ASAH1: variants seen among roughly 807,000 people sequenced by gnomAD.
ASAH1 encodes acid ceramidase.
Under a neutral mutation model 59.5 loss-of-function variants are expected in ASAH1, and 70 were observed. The ratio of observed to expected loss-of-function variants is 1.18; its 90% CI spans 0.97 to 1.43. The LOEUF is 1.43. Ranked by LOEUF, ASAH1 falls within the 40% of genes most tolerant of loss-of-function variation. ASAH1 has a pLI of 0.00. For synonymous variants in ASAH1, 213 were observed against 166.5 expected, an observed-to-expected ratio of 1.28 and a Z score of -2.15; for missense variants, 660 against 482.5, an observed-to-expected ratio of 1.37 and a Z score of -3.45.
upstream of ASAH1, chr8:18,084,922 G>C: frequency 7.1e-7 from 1 of 1,418,314 alleles, no homozygotes; most frequent in African/African-American, 1.4e-5. Flanking sequence ...CGTGCCATCC[G>C]TGGACACAGT....
chr8:18,077,851 C>A (rs1453070900), intron 1 of ASAH1, among the ~76,000 whole-genome samples: 1 of 152,104 alleles, frequency 6.6e-6, no homozygotes, highest in Non-Finnish European at 1.5e-5. Context: ...AGGAGATACT[C>A]CGCTTTACAT....
intron 7 of ASAH1, chr8:18,062,921 A>C (rs1279330862): frequency 5.3e-6 from 2 of 379,756 alleles, no homozygotes; most frequent in Non-Finnish European, 4.7e-6. Flanking sequence ...CCCAAGCTGC[A>C]GTGCAGTGGC....
At chr8:18,061,149 CATA>C in intron 10 of ASAH1, 1 of 401,864 alleles carries the variant, frequency 2.5e-6, no homozygotes. Flanking sequence ...AGGTGCCTTT[CATA>C]ATGTCAGTAT....
chr8:18,066,897 T>C (rs1799949788), intron 5 of ASAH1: 1 of 340,238 alleles, frequency 2.9e-6, no homozygotes, highest in African/African-American at 2.1e-5. Flanking sequence ...TATTGTTCAG[T>C]TCTATTTATA....
intron 5 of ASAH1, 82 bp downstream of exon 5, chr8:18,067,138 G>C: frequency 9.0e-7 from 1 of 1,112,912 alleles, no homozygotes; most frequent in Non-Finnish European, 1.3e-6. Context: ...CAGCACCTGT[G>C]CTGTATGTAT....
chr8:18,083,809 G>A (rs1800765653), intron 1 of ASAH1, 172 bp downstream of exon 1: 3 of 1,360,612 alleles, frequency 2.2e-6, no homozygotes, highest in East Asian at 2.5e-5. Context: ...CCGAGGACGG[G>A]GTTCGCCAGC....
upstream of ASAH1, chr8:18,084,305 G>T (rs886062782): frequency 2.1e-6 from 3 of 1,429,674 alleles, no homozygotes; most frequent in African/African-American, 4.3e-5. Flanking sequence ...GGAGAGTCGC[G>T]ATCGCCTTTG....
intron 1 of ASAH1, among the ~76,000 whole-genome samples, chr8:18,078,007 G>A (rs1163810286): frequency 6.6e-6 from 1 of 152,156 alleles, no homozygotes; most frequent in African/African-American, 2.4e-5. Context: ...GCTGGTGACA[G>A]AATCAGAGTC....
chr8:18,075,691 ATTGCTC>A, intron 1 of ASAH1, 104 bp from the exon 2 acceptor site: 4 of 1,057,728 alleles, frequency 3.8e-6, no homozygotes, highest in Non-Finnish European at 5.9e-6. Context: ...CAAGTCTGAT[ATTGCTC>A]TTTTATACGT....
chr8:18,062,776 A>G (rs1799759561), intron 7 of ASAH1: 1 of 383,440 alleles, frequency 2.6e-6, no homozygotes, highest in Non-Finnish European at 4.8e-6. Context: ...ATTTATCTTC[A>G]CTTATGATCA....
At chr8:18,060,993 T>C in intron 10 of ASAH1, 1 of 196,556 alleles carries the variant, frequency 5.1e-6, no homozygotes, top group Non-Finnish European at 1.0e-5. Context: ...GTGCAAGTCA[T>C]CTGTCTATCT....
At chr8:18,079,680 T>C (rs944990188) in intron 1 of ASAH1, among the ~76,000 whole-genome samples, 1 of 152,142 alleles carries the variant, frequency 6.6e-6, no homozygotes, top group Non-Finnish European at 1.5e-5. Flanking sequence ...ATTACATACC[T>C]CATGTCAGTT....
intron 3 of ASAH1, 30 bp downstream of exon 3, chr8:18,071,266 TAAAG>T (rs1800161025): frequency 1.8e-6 from 2 of 1,092,660 alleles, no homozygotes; most frequent in South Asian, 2.5e-5. Flanking sequence ...AAAATAAAAA[TAAAG>T]AAATAAAAGA....
chr8:18,075,001 C>CTTTTTTTTTTTTTT (rs769278694), intron 2 of ASAH1, among the ~76,000 whole-genome samples: 5,104 of 147,082 alleles, frequency 0.035, 207 homozygotes, highest in African/African-American at 0.051. Context: ...AAAATCCTTT[C>CTTTTTTTTTTTTTT]CTTTTTTTTT....
chr8:18,070,390 C>A (rs1340240534), intron 3 of ASAH1, among the ~76,000 whole-genome samples: 1 of 152,074 alleles, frequency 6.6e-6, no homozygotes, highest in Non-Finnish European at 1.5e-5. Context: ...CCTCGTGATC[C>A]ACCCGCCTCG....
intron 2 of ASAH1, among the ~76,000 whole-genome samples, chr8:18,073,854 G>C (rs1409003288): frequency 6.6e-6 from 1 of 152,182 alleles, no homozygotes; most frequent in Non-Finnish European, 1.5e-5. Flanking sequence ...TTTTTGTGTA[G>C]GAAAGCAGGC....
intron 13 of ASAH1, chr8:18,058,091 G>C (rs1378165304): frequency 6.5e-6 from 1 of 154,252 alleles, no homozygotes; most frequent in Non-Finnish European, 1.4e-5. Context: ...GGAAACTGCA[G>C]GCACCCAGAT....
chr8:18,062,990 C>T, intron 7 of ASAH1, 195 bp downstream of exon 7: 1 of 579,798 alleles, frequency 1.7e-6, no homozygotes, highest in Non-Finnish European at 3.1e-6. Context: ...CTGCCTCAGG[C>T]TCCCAAGTAG....
At chr8:18,073,758 G>C (rs143539656) in intron 2 of ASAH1, among the ~76,000 whole-genome samples, 159 of 152,228 alleles carry the variant, frequency 1.0e-3, no homozygotes, top group African/African-American at 3.7e-3. Flanking sequence ...GTCATTCAAA[G>C]GTACATAAAT....
Sources: gnomAD v4.1 joint callset for allele counts (sites outside exome capture counted in the v4.1 genomes callset) on GRCh38, gnomAD v4.1.1 for gene constraint, MANE v1.5 for transcripts, NCBI Gene and HGNC (gene_info 2026-07-23, HGNC 2026-07-21) for gene names.